Variants in CHCHD6 observed in about 807,000 individuals in gnomAD.
CHCHD6 encodes the protein coiled-coil-helix-coiled-coil-helix domain containing 6.
A neutral mutation model predicts 32.3 loss-of-function variants in CHCHD6; 28 were observed. That is an observed-to-expected ratio of 0.87 (90% confidence interval 0.64 to 1.19). CHCHD6 has a LOEUF of 1.19. CHCHD6 is among the 50% of genes most tolerant of loss of function. The pLI is 0.00. For synonymous variants in CHCHD6, 122 were observed against 117.5 expected (o/e 1.04, Z -0.25); for missense variants, 333 against 307.0 (o/e 1.08, Z -0.63).
chr3:126,750,559 G>A (rs1936683910), intron 4 of CHCHD6, among the ~76,000 whole-genome samples: 1 of 152,246 alleles, frequency 6.6e-6, no homozygotes, highest in South Asian at 2.1e-4. Flanking sequence ...GGTCAAGCCA[G>A]CGTGGCCTTT....
At chr3:126,715,874 A>G (rs915131912) in intron 1 of CHCHD6, among the ~76,000 whole-genome samples, 5 of 152,182 alleles carry the variant, frequency 3.3e-5, no homozygotes, top group Non-Finnish European at 5.9e-5. Context: ...TTCTGCAAGT[A>G]CAAATGAGAT....
intron 5 of CHCHD6, among the ~76,000 whole-genome samples, chr3:126,868,599 G>A (rs1198379397): frequency 6.6e-6 from 1 of 152,142 alleles, no homozygotes; most frequent in Non-Finnish European, 1.5e-5. Context: ...CTGTATGCAT[G>A]CCTAGACTGG....
chr3:126,906,347 G>C (rs1418173012), intron 5 of CHCHD6, among the ~76,000 whole-genome samples: 1 of 152,218 alleles, frequency 6.6e-6, no homozygotes, highest in Non-Finnish European at 1.5e-5. Context: ...CCATTACACG[G>C]CAGCCAGCAG....
At chr3:126,715,888 G>A (rs115182333) in intron 1 of CHCHD6, among the ~76,000 whole-genome samples, 64 of 152,284 alleles carry the variant, frequency 4.2e-4, no homozygotes, top group African/African-American at 1.4e-3. Context: ...ATGAGATCAC[G>A]CTATTCCGTC....
intron 4 of CHCHD6, among the ~76,000 whole-genome samples, chr3:126,756,125 CA>C (rs1332739072): frequency 6.6e-6 from 1 of 152,068 alleles, no homozygotes; most frequent in Non-Finnish European, 1.5e-5. Flanking sequence ...GCAGCTGGAA[CA>C]CAGGACCGAG....
intron 6 of CHCHD6, among the ~76,000 whole-genome samples, chr3:126,927,501 C>T (rs1280251048): frequency 6.6e-6 from 1 of 152,226 alleles, no homozygotes; most frequent in African/African-American, 2.4e-5. Context: ...TGTGCACAGG[C>T]TTCAGCCCAG....
rs1576342927 is a variant in CHCHD6, at chr3:126,727,080, G to C, written c.90G>C (p.Leu30=). 1 of 1,611,546 alleles carries C rather than the reference G, an allele frequency of 6.2e-7. No homozygotes were observed. The highest frequency in any genetic ancestry group is 1.7e-5 in the Admixed American group (1 of 59,974). Reference sequence around the variant, plus strand: ...TTCCCTCTTTTCTGCTTCCTTAGCTGTCTGAAAACGTGGTGAACCGCATGA... The same window carrying C: ...TTCCCTCTTTTCTGCTTCCTTAGCTCTCTGAAAACGTGGTGAACCGCATGA... ...ERVRVLQGVR[L]SENVVNRMKE... Residue 30 remains leucine (L), a splice_region_variant and synonymous_variant, in exon 2 of 8, where the codon CTG becomes CTC. Transcript: ENST00000290913.
chr3:126,737,497 T>C lies in CHCHD6; in HGVS notation c.411+4275T>C, dbSNP rs1452031707. 2.6e-5 allele frequency among the ~76,000 whole-genome samples: 4 copies of C among 150,972 alleles called. No homozygotes were observed. In the East Asian group the frequency reaches 7.8e-4, roughly 29 times the overall value. Reference sequence around the variant, plus strand: ...GGGTTAGTTTCCTAATAAATGGAAATAAGAGACAGCTTCTGACCTTGAGAA... The same window carrying C: ...GGGTTAGTTTCCTAATAAATGGAAACAAGAGACAGCTTCTGACCTTGAGAA... On this transcript the variant is annotated intron_variant, in intron 4 of 7. Transcript: ENST00000290913.
At chr3:126,718,644 G>A (rs557154889) in intron 1 of CHCHD6, among the ~76,000 whole-genome samples, 13 of 152,266 alleles carry the variant, frequency 8.5e-5, no homozygotes, top group African/African-American at 2.6e-4. Context: ...GCAGCACCAC[G>A]CAGCTGGAGG....
At chr3:126,823,072 G>GTTGTT (rs1232880600) in intron 4 of CHCHD6, among the ~76,000 whole-genome samples, 3 of 151,842 alleles carry the variant, frequency 2.0e-5, no homozygotes, top group Non-Finnish European at 2.9e-5. Context: ...CACCCTGCCA[G>GTTGTT]TTGTTTTGTT....
rs192418971 is a variant in CHCHD6, at chr3:126,908,500, G to A, written c.496-6180G>A. On this transcript the variant is annotated intron_variant, in intron 5 of 7. Transcript: ENST00000290913. ...TATTCTTAAGTGGGATCATCTTGTC[G>A]GATTTTCTGTAGTGGTTCTGACCCC... Among the ~76,000 whole-genome samples the A allele has an allele frequency of 1.5e-4, 23 of 152,300 alleles. No individual in the cohort carries two copies. In the East Asian group the frequency reaches 3.1e-3, roughly 20 times the overall value.
chr3:126,732,077 C>CAAAAAAAAA (rs1935829580), intron 3 of CHCHD6, among the ~76,000 whole-genome samples: 1 of 94,238 alleles, frequency 1.1e-5, no homozygotes, highest in Non-Finnish European at 2.2e-5. Flanking sequence ...AGACCCAAAA[C>CAAAAAAAAA]CAAAAAAAAA....
chr3:126,764,226 A>AT (rs1937274487), intron 4 of CHCHD6, among the ~76,000 whole-genome samples: 18 of 116,944 alleles, frequency 1.5e-4, no homozygotes, highest in Admixed American at 4.1e-4. Flanking sequence ...TATATATATA[A>AT]ATATATGAAA....
chr3:126,816,291 C>T (rs557747299), intron 4 of CHCHD6, among the ~76,000 whole-genome samples: 335 of 152,256 alleles, frequency 2.2e-3, no homozygotes, highest in Non-Finnish European at 2.9e-3. Context: ...ATGGGCTTGG[C>T]GCTTTCTCGT....
chr3:126,780,642 C>T (rs576636277), intron 4 of CHCHD6, among the ~76,000 whole-genome samples: 3 of 152,254 alleles, frequency 2.0e-5, no homozygotes, highest in Non-Finnish European at 2.9e-5. Flanking sequence ...CTTGATGGCC[C>T]GCTTGCTAAG....
chr3:126,879,346 G>A (rs1374658869), intron 5 of CHCHD6, among the ~76,000 whole-genome samples: 1 of 152,120 alleles, frequency 6.6e-6, no homozygotes, highest in African/African-American at 2.4e-5. Flanking sequence ...TATCTGCCAT[G>A]GGATCTTATA....
intron 4 of CHCHD6, among the ~76,000 whole-genome samples, chr3:126,745,733 A>C (rs1020989478): frequency 6.6e-6 from 1 of 152,218 alleles, no homozygotes; most frequent in South Asian, 2.1e-4. Context: ...ATTCTAAAAC[A>C]GACCTTCCAG....
intron 5 of CHCHD6, among the ~76,000 whole-genome samples, chr3:126,861,829 T>A (rs1167371846): frequency 7.9e-5 from 3 of 38,072 alleles, no homozygotes; most frequent in Admixed American, 3.2e-4. Context: ...CTCCCCTTCC[T>A]CCACCATCAC....
chr3:126,930,940 C>T (rs184191331), intron 6 of CHCHD6, among the ~76,000 whole-genome samples: 85 of 152,354 alleles, frequency 5.6e-4, no homozygotes, highest in African/African-American at 1.9e-3. Flanking sequence ...CTCTTGGGAG[C>T]GCCCATCTCT....
Sources: allele counts gnomAD v4.1 joint callset (sites outside exome capture counted in the v4.1 genomes callset), GRCh38; gene constraint gnomAD v4.1.1; transcripts MANE v1.5; gene names NCBI Gene and HGNC (gene_info 2026-07-23, HGNC 2026-07-21).